Variants in PCDH9 observed in about 807,000 individuals in gnomAD.
PCDH9 encodes protocadherin 9.
Under a neutral mutation model 70.6 loss-of-function variants are expected in PCDH9, and 24 were observed. The observed-to-expected ratio is 0.34, with a 90% CI of 0.25 to 0.48. PCDH9 has a LOEUF of 0.48. PCDH9 is among the 20% of genes least tolerant of loss of function. The probability of loss-of-function intolerance (pLI) is 0.99; values close to 1 mark genes in which losing one functional copy is unlikely to be tolerated. For missense variants in PCDH9, 1,281 were observed against 1,503.6 expected (o/e 0.85, Z 2.45); for synonymous variants, 562 against 558.5 (o/e 1.01, Z -0.09).
At chr13:66,914,052 T>C (rs1362499821) in intron 2 of PCDH9, among the ~76,000 whole-genome samples, 2 of 151,994 alleles carry the variant, frequency 1.3e-5, no homozygotes, top group Non-Finnish European at 2.9e-5. Context: ...ATTACAGTGA[T>C]GTTGGATAGG....
At chr13:67,127,330 G>A (rs766980494) in intron 2 of PCDH9, among the ~76,000 whole-genome samples, 6 of 152,064 alleles carry the variant, frequency 3.9e-5, no homozygotes, top group Admixed American at 2.6e-4. Context: ...TGTACATAGC[G>A]GTCCAGACGC....
In PCDH9 at chr13:67,174,340, T is replaced by C. The variant is rs552254133; in HGVS notation, c.3036+51065A>G. ...ATACATACATACATACATACATACA[T>C]ACATACAGACGAAGGGAGGGAAGAA... On this transcript the variant is annotated intron_variant, in intron 2 of 4. Transcript: ENST00000377865. 2.6e-4 allele frequency among the ~76,000 whole-genome samples: 40 copies of C among 152,000 alleles called. No homozygotes were observed. In the South Asian group the frequency reaches 7.9e-3, roughly 30 times the overall value.
chr13:66,597,781 G>A (rs529783792), intron 4 of PCDH9, among the ~76,000 whole-genome samples: 1 of 151,756 alleles, frequency 6.6e-6, no homozygotes, highest in Non-Finnish European at 1.5e-5. Flanking sequence ...ACAATCACCA[G>A]AGACAGAAGC....
chr13:66,544,617 T>C (rs1961103575), intron 4 of PCDH9, among the ~76,000 whole-genome samples: 1 of 152,176 alleles, frequency 6.6e-6, no homozygotes, highest in Admixed American at 6.5e-5. Flanking sequence ...TAGACAACTG[T>C]ATCTGCAGGT....
chr13:66,896,653 G>T (rs897034477), intron 3 of PCDH9, among the ~76,000 whole-genome samples: 2 of 152,110 alleles, frequency 1.3e-5, no homozygotes, highest in Non-Finnish European at 2.9e-5. Context: ...AGCTGAGTCC[G>T]TTGAACACAA....
intron 4 of PCDH9, among the ~76,000 whole-genome samples, chr13:66,528,882 ATGTG>A (rs919811438): frequency 2.6e-5 from 4 of 152,074 alleles, no homozygotes; most frequent in African/African-American, 9.7e-5. Context: ...GTAAGAATGA[ATGTG>A]TTTTTTAAAA....
intron 2 of PCDH9, chr13:67,208,708 T>G (rs1479113088): frequency 3.3e-5 from 5 of 152,144 alleles, no homozygotes; most frequent in African/African-American, 1.2e-4. Context: ...TTGGTCATGT[T>G]TGAATATGAC....
chr13:66,632,862 TA>T (rs1426340088), intron 3 of PCDH9, among the ~76,000 whole-genome samples: 3 of 151,892 alleles, frequency 2.0e-5, no homozygotes, highest in Non-Finnish European at 2.9e-5. Context: ...ATGTATATAT[TA>T]AAAAATATAT....
chr13:66,789,151 C>A (rs1003425333), intron 3 of PCDH9, among the ~76,000 whole-genome samples: 38 of 152,154 alleles, frequency 2.5e-4, no homozygotes, highest in African/African-American at 9.2e-4. Context: ...CTACTGTCTT[C>A]TTTAATCTTC....
chr13:66,850,209 G>A (rs1013314011), intron 3 of PCDH9, among the ~76,000 whole-genome samples: 9 of 152,142 alleles, frequency 5.9e-5, no homozygotes, highest in African/African-American at 2.2e-4. Context: ...TGATGGTAAG[G>A]TACAACTATC....
At position 66,434,875 on chromosome 13, in the gene PCDH9, T is replaced by G. The variant is rs561681352; in HGVS notation, c.3341-129847A>C. ...TGAAACAAAAAAGTGATGTAGAAACTAGTTCAATAATATTTTTAAATGCTA... is the reference window on the plus strand; with the variant it reads ...TGAAACAAAAAAGTGATGTAGAAACGAGTTCAATAATATTTTTAAATGCTA... On this transcript the variant is annotated intron_variant, in intron 4 of 4. Coordinates refer to ENST00000377865, the MANE Select transcript of PCDH9 (RefSeq NM_203487.3). 6.6e-5 allele frequency among the ~76,000 whole-genome samples: 10 copies of G among 152,172 alleles called. 2 individuals carry two copies. The highest frequency in any genetic ancestry group is 2.4e-4 in the African/African-American group (10 of 41,556).
intron 3 of PCDH9, among the ~76,000 whole-genome samples, chr13:66,650,636 T>C (rs1246252438): frequency 6.6e-6 from 1 of 151,812 alleles, no homozygotes; most frequent in Non-Finnish European, 1.5e-5. Flanking sequence ...GTGGACTTAG[T>C]ATACCCTATA....
intron 3 of PCDH9, among the ~76,000 whole-genome samples, chr13:66,722,967 C>CAAAA (rs1210244459): frequency 1.4e-5 from 1 of 73,690 alleles, no homozygotes; most frequent in Admixed American, 1.6e-4. Context: ...GACTGCATCT[C>CAAAA]AAAAAAAAAA....
At chr13:66,583,720 T>A (rs140214039) in intron 4 of PCDH9, among the ~76,000 whole-genome samples, 1 of 152,308 alleles carries the variant, frequency 6.6e-6, no homozygotes, top group African/African-American at 2.4e-5. Flanking sequence ...TAAGAAATAC[T>A]CCACGGAAAA....
At chr13:66,491,385 T>TGTGTGTGTGTGTGTG (rs1555299289) in intron 4 of PCDH9, among the ~76,000 whole-genome samples, 4 of 136,028 alleles carry the variant, frequency 2.9e-5, no homozygotes, top group African/African-American at 1.1e-4. Context: ...GCAGGAGATA[T>TGTGTGTGTGTGTGTG]TGTGTGTGTG....
chr13:66,494,282 T>G (rs560106463), intron 4 of PCDH9, among the ~76,000 whole-genome samples: 12 of 152,200 alleles, frequency 7.9e-5, no homozygotes, highest in African/African-American at 2.6e-4. Context: ...CTCTCAGATT[T>G]CAGGACATGA....
At chr13:66,916,852 C>A (rs1424580223) in intron 2 of PCDH9, among the ~76,000 whole-genome samples, 1 of 151,418 alleles carries the variant, frequency 6.6e-6, no homozygotes, top group Non-Finnish European at 1.5e-5. Flanking sequence ...AAGAGCTAAA[C>A]ACAATAAGGG....
chr13:66,812,410 A>C (rs961462063), intron 3 of PCDH9, among the ~76,000 whole-genome samples: 1 of 152,202 alleles, frequency 6.6e-6, no homozygotes, highest in African/African-American at 2.4e-5. Flanking sequence ...GGCCAGTAAG[A>C]TTTTAATATT....
At chr13:66,307,805 A>G (rs1031948763) in intron 4 of PCDH9, among the ~76,000 whole-genome samples, 2 of 152,118 alleles carry the variant, frequency 1.3e-5, no homozygotes, top group Non-Finnish European at 1.5e-5. Context: ...AATTTAAGAC[A>G]TATCACTCGA....
Sources: gnomAD v4.1 joint callset for allele counts (sites outside exome capture counted in the v4.1 genomes callset) on GRCh38, gnomAD v4.1.1 for gene constraint, MANE v1.5 for transcripts, NCBI Gene and HGNC (gene_info 2026-07-23, HGNC 2026-07-21) for gene names.